The following KSR2 variants were observed in gnomAD, a reference collection of about 807,000 sequenced individuals.
The protein encoded by KSR2 is kinase suppressor of ras 2.
Under a neutral mutation model 107.8 loss-of-function variants are expected in KSR2, and 25 were observed. That is an observed-to-expected ratio of 0.23 (90% confidence interval 0.17 to 0.32). The LOEUF (loss-of-function observed/expected upper bound fraction) is 0.32. KSR2 is among the 10% of genes least tolerant of loss of function. The pLI, the probability that KSR2 is intolerant of heterozygous loss-of-function variation, is 1.00. For synonymous variants in KSR2, 480 were observed against 507.0 expected (o/e 0.95, Z 0.71); for missense variants, 887 against 1,268.9 (o/e 0.70, Z 4.57).
In KSR2 at chr12:117,614,634, G is replaced by A. The variant is rs938244056; in HGVS notation, c.1172-32275C>T. Reference sequence around the variant, plus strand: ...AAGGGGAGGCCATTGACATCTCCATGTGGAGAAAGGTCCCTTAATAGTTTT... The same window carrying A: ...AAGGGGAGGCCATTGACATCTCCATATGGAGAAAGGTCCCTTAATAGTTTT... On this transcript the variant is annotated intron_variant, in intron 5 of 19. Transcript: ENST00000339824. Among the ~76,000 whole-genome samples, 4 of 152,330 alleles carry A rather than the reference G, an allele frequency of 2.6e-5. No individual in the cohort carries two copies. The South Asian group carries it at 8.3e-4, about 32-fold the overall frequency.
intron 1 of KSR2, among the ~76,000 whole-genome samples, chr12:117,891,194 T>C (rs1295382449): frequency 1.3e-5 from 2 of 152,154 alleles, no homozygotes; most frequent in Non-Finnish European, 2.9e-5. Flanking sequence ...GCCACGCAGA[T>C]CATATGAGGT....
intron 4 of KSR2, among the ~76,000 whole-genome samples, chr12:117,686,814 G>A (rs1885591083): frequency 1.3e-5 from 2 of 152,154 alleles, no homozygotes; most frequent in Admixed American, 1.3e-4. Flanking sequence ...AACAGAGAGT[G>A]AATCCTTACA....
At chr12:117,953,860 T>A (rs1896435070) in intron 1 of KSR2, among the ~76,000 whole-genome samples, 2 of 152,042 alleles carry the variant, frequency 1.3e-5, no homozygotes, top group African/African-American at 4.8e-5. Flanking sequence ...GAGGACAAGG[T>A]GGGAAAATCA....
At chr12:117,906,302 G>A (rs371259610) in intron 1 of KSR2, among the ~76,000 whole-genome samples, 20 of 144,306 alleles carry the variant, frequency 1.4e-4, no homozygotes, top group African/African-American at 3.9e-4. Flanking sequence ...GTGGTGAGCC[G>A]AGATCGGGCC....
intron 1 of KSR2, among the ~76,000 whole-genome samples, chr12:117,960,471 G>C (rs776022377): frequency 3.9e-5 from 6 of 152,168 alleles, no homozygotes; most frequent in Non-Finnish European, 8.8e-5. Context: ...CTGCCACCAT[G>C]TAAGAAACCC....
Position 117,457,165 on chromosome 12 carries a change from G to A in KSR2, c.*10034C>T, listed in dbSNP as rs1382516580. On this transcript the variant is annotated 3_prime_UTR_variant, in exon 20 of 20. Transcript: ENST00000339824. The stretch of plus-strand genomic sequence containing the variant: ...GGCAAGTCCACATTCTCCTTACCTA[G>A]ACAGCCTTCAAACCACTGGTGATGC... 1 of 152,258 alleles carries A rather than the reference G, an allele frequency of 6.6e-6. No homozygotes were observed. The highest frequency in any genetic ancestry group is 1.5e-5 in the Non-Finnish European group (1 of 68,054). The allele number at this position is 152,258 out of a possible 1,614,324, so 9.4% of individuals were successfully genotyped here.
At chr12:117,936,533 T>TAGTAGTAGTAGTAG (rs1555258978) in intron 1 of KSR2, among the ~76,000 whole-genome samples, 25 of 119,684 alleles carry the variant, frequency 2.1e-4, no homozygotes, top group South Asian at 1.3e-3. Flanking sequence ...ATTATTATTA[T>TAGTAGTAGTAGTAG]TAGTAGTAGT....
chr12:117,590,278 T>C (rs550809058), intron 5 of KSR2, among the ~76,000 whole-genome samples: 1 of 152,322 alleles, frequency 6.6e-6, no homozygotes, highest in Admixed American at 6.5e-5. Context: ...CAGAGTAGCA[T>C]ACTTTATTTC....
chr12:117,729,431 G>T (rs964785035), intron 4 of KSR2, among the ~76,000 whole-genome samples: 2 of 152,098 alleles, frequency 1.3e-5, no homozygotes, highest in Non-Finnish European at 2.9e-5. Flanking sequence ...GAGATCTGTC[G>T]AAAGGAATGA....
intron 1 of KSR2, among the ~76,000 whole-genome samples, chr12:117,876,021 A>G (rs116396016): frequency 0.011 from 1,639 of 152,244 alleles, 26 homozygotes; most frequent in African/African-American, 0.038. Context: ...ACGCCAGGCC[A>G]CTAAAAATAA....
At chr12:117,665,018 T>C (rs941957652) in intron 5 of KSR2, among the ~76,000 whole-genome samples, 5 of 152,166 alleles carry the variant, frequency 3.3e-5, no homozygotes, top group Non-Finnish European at 5.9e-5. Context: ...CTTGTTAGAA[T>C]CAACAGATAG....
chr12:117,878,946 G>A (rs931163374), intron 1 of KSR2, among the ~76,000 whole-genome samples: 3 of 152,064 alleles, frequency 2.0e-5, no homozygotes, highest in East Asian at 1.9e-4. Context: ...GGCCATAGAC[G>A]CATAGTGAAT....
chr12:117,886,818 T>C (rs1017677528), intron 1 of KSR2, among the ~76,000 whole-genome samples: 1 of 152,182 alleles, frequency 6.6e-6, no homozygotes, highest in African/African-American at 2.4e-5. Flanking sequence ...TCTTTTTCTG[T>C]TTCTTTTTTG....
At chr12:117,631,488 C>T (rs551043725) in intron 5 of KSR2, among the ~76,000 whole-genome samples, 2 of 152,262 alleles carry the variant, frequency 1.3e-5, no homozygotes, top group East Asian at 3.9e-4. Flanking sequence ...CATGATTCTT[C>T]TTTGTGATTA....
chr12:117,740,649 T>C (rs944792081), intron 4 of KSR2, among the ~76,000 whole-genome samples: 2 of 131,556 alleles, frequency 1.5e-5, no homozygotes, highest in African/African-American at 2.6e-5. Flanking sequence ...ACATATATTA[T>C]ATATGTAATA....
chr12:117,667,049 A>G (rs529640178), intron 5 of KSR2, among the ~76,000 whole-genome samples: 18 of 152,346 alleles, frequency 1.2e-4, no homozygotes, highest in Non-Finnish European at 2.6e-4. Context: ...GGGGAAAAAA[A>G]TACAAAACTT....
chr12:117,933,798 T>C lies in KSR2; in HGVS notation c.180+34278A>G, dbSNP rs372388468. 1.2e-4 allele frequency among the ~76,000 whole-genome samples: 18 copies of C among 152,246 alleles called. 1 individual carries two copies. In the South Asian group the frequency reaches 3.7e-3, roughly 32 times the overall value. On this transcript the variant is annotated intron_variant, in intron 1 of 19. Transcript: ENST00000339824. ...TACCCTTGATCCTCCCAGTATCCTG[T>C]GGCTCAGTAAAGTTATGTAACTTGC...
intron 3 of KSR2, among the ~76,000 whole-genome samples, chr12:117,772,556 GCA>G (rs1405362185): frequency 1.1e-5 from 1 of 90,184 alleles, no homozygotes; most frequent in African/African-American, 4.5e-5. Context: ...CACCAAAGAC[GCA>G]CAAACACACA....
intron 1 of KSR2, among the ~76,000 whole-genome samples, chr12:117,865,134 T>C (rs1465412709): frequency 6.6e-6 from 1 of 152,172 alleles, no homozygotes; most frequent in Non-Finnish European, 1.5e-5. Flanking sequence ...TTACTAAACA[T>C]TCTTTAAAAG....
Sources: gnomAD v4.1 joint callset for allele counts (sites outside exome capture counted in the v4.1 genomes callset) on GRCh38, gnomAD v4.1.1 for gene constraint, MANE v1.5 for transcripts, NCBI Gene and HGNC (gene_info 2026-07-23, HGNC 2026-07-21) for gene names.